The following CWC27 variants were observed in gnomAD, a reference collection of about 807,000 sequenced individuals.
CWC27 encodes spliceosome-associated protein CWC27 homolog.
CWC27 carries 47 observed loss-of-function variants against 63.6 expected under a neutral mutation model. That is an observed-to-expected ratio of 0.74 (90% CI 0.58 to 0.94). The LOEUF is 0.94. Ranked by LOEUF, CWC27 falls within the 40% of genes least tolerant of loss-of-function variation. The probability of loss-of-function intolerance (pLI) is 0.00; values close to 1 mark genes in which losing one functional copy is unlikely to be tolerated. For synonymous variants in CWC27, 175 were observed against 179.8 expected (o/e 0.97, Z 0.22); for missense variants, 495 against 554.3 (o/e 0.89, Z 1.07).
intron 11 of CWC27, among the ~76,000 whole-genome samples, chr5:64,944,816 A>G (rs1194317561): frequency 1.3e-5 from 2 of 152,166 alleles, no homozygotes; most frequent in African/African-American, 2.4e-5. Flanking sequence ...TCTATTCTCA[A>G]CATAGTATCC....
At chr5:64,785,828 G>T (rs1743863574) in intron 5 of CWC27, among the ~76,000 whole-genome samples, 1 of 151,942 alleles carries the variant, frequency 6.6e-6, no homozygotes, top group African/African-American at 2.4e-5. Flanking sequence ...AAAGTTAAAG[G>T]AATTAGGTTT....
chr5:64,980,297 T>G (rs556160448), intron 13 of CWC27, among the ~76,000 whole-genome samples: 3 of 152,260 alleles, frequency 2.0e-5, no homozygotes, highest in Admixed American at 1.3e-4. Context: ...TCTTTGAGCA[T>G]GGATTTTATG....
At position 64,989,544 on chromosome 5, in the gene CWC27, A is replaced by C. The variant is rs1580767583; in HGVS notation, c.1256+12306A>C. 3.9e-5 allele frequency among the ~76,000 whole-genome samples: 6 copies of C among 152,208 alleles called. No individual in the cohort carries two copies. In the South Asian group the frequency reaches 1.2e-3, roughly 32 times the overall value. On this transcript the variant is annotated intron_variant, in intron 13 of 13. Transcript: ENST00000381070. ...TGGTTCACCAGAGAGAAGTTGAAAA[A>C]CAGTACCTTAGGAACATCCTCAAAT... is the stretch of plus-strand genomic sequence containing the variant.
At chr5:64,879,534 C>G (rs947791985) in intron 10 of CWC27, among the ~76,000 whole-genome samples, 4 of 151,766 alleles carry the variant, frequency 2.6e-5, no homozygotes, top group African/African-American at 9.7e-5. Flanking sequence ...GGATAAGATC[C>G]TAAGTGTCCT....
intron 3 of CWC27, among the ~76,000 whole-genome samples, 196 bp downstream of exon 3, chr5:64,782,229 C>G (rs1743722588): frequency 2.0e-5 from 3 of 152,000 alleles, no homozygotes; most frequent in South Asian, 2.1e-4. Flanking sequence ...GGGCGGATCA[C>G]TTGAGGTCGG....
At chr5:64,952,599 A>G (rs978289436) in intron 11 of CWC27, among the ~76,000 whole-genome samples, 4 of 152,018 alleles carry the variant, frequency 2.6e-5, no homozygotes, top group Non-Finnish European at 4.4e-5. Context: ...TCATCCCGTC[A>G]TTTTTATCCT....
intron 10 of CWC27, among the ~76,000 whole-genome samples, chr5:64,840,656 C>A (rs1338980667): frequency 6.6e-6 from 1 of 151,730 alleles, no homozygotes; most frequent in East Asian, 1.9e-4. Flanking sequence ...GTAGTCAAAT[C>A]ATAAAAGAAC....
chr5:65,012,246 G>A (rs983079923), intron 13 of CWC27, among the ~76,000 whole-genome samples: 1 of 152,148 alleles, frequency 6.6e-6, no homozygotes, highest in African/African-American at 2.4e-5. Flanking sequence ...TGTTACCTCT[G>A]AAGACATAGA....
At chr5:64,828,023 G>A (rs1462391504) in intron 10 of CWC27, among the ~76,000 whole-genome samples, 1 of 152,084 alleles carries the variant, frequency 6.6e-6, no homozygotes, top group Non-Finnish European at 1.5e-5. Flanking sequence ...TATATATGGG[G>A]TTTTATACTA....
intron 11 of CWC27, among the ~76,000 whole-genome samples, chr5:64,913,776 A>G (rs1239798457): frequency 6.6e-6 from 1 of 152,048 alleles, no homozygotes; most frequent in African/African-American, 2.4e-5. Context: ...TTTCCCCTAA[A>G]CTGTTCTATA....
intron 11 of CWC27, among the ~76,000 whole-genome samples, chr5:64,953,771 G>A (rs1252669736): frequency 6.6e-6 from 1 of 152,110 alleles, no homozygotes; most frequent in African/African-American, 2.4e-5. Flanking sequence ...TTGCCTTGAT[G>A]AGCATTATAT....
At chr5:64,807,130 T>C (rs1178061357) in intron 10 of CWC27, among the ~76,000 whole-genome samples, 2 of 152,228 alleles carry the variant, frequency 1.3e-5, no homozygotes, top group African/African-American at 2.4e-5. Context: ...CTTGAAGTAC[T>C]CTATTATCCT....
intron 11 of CWC27, among the ~76,000 whole-genome samples, chr5:64,970,059 C>A (rs2112440742): frequency 6.6e-6 from 1 of 152,248 alleles, no homozygotes; most frequent in African/African-American, 2.4e-5. Context: ...AGAGACGTAA[C>A]TGGAAAGCAA....
intron 10 of CWC27, among the ~76,000 whole-genome samples, chr5:64,875,127 A>G (rs969298930): frequency 5.9e-5 from 9 of 152,074 alleles, no homozygotes; most frequent in Admixed American, 1.3e-4. Context: ...TTTAAGATAC[A>G]CTGTTTAGTG....
chr5:64,938,530 C>A (rs1399494923), intron 11 of CWC27, among the ~76,000 whole-genome samples: 4 of 152,104 alleles, frequency 2.6e-5, no homozygotes, highest in African/African-American at 9.7e-5. Flanking sequence ...CCCTGGCTGC[C>A]CTTAACATTT....
chr5:64,775,218 T>C (rs1345153862), intron 2 of CWC27, among the ~76,000 whole-genome samples: 1 of 152,202 alleles, frequency 6.6e-6, no homozygotes, highest in African/African-American at 2.4e-5. Flanking sequence ...CTAGTGGACT[T>C]TTCAACTGGA....
intron 10 of CWC27, among the ~76,000 whole-genome samples, chr5:64,850,618 A>G (rs1240704899): frequency 6.6e-6 from 1 of 152,214 alleles, no homozygotes; most frequent in East Asian, 1.9e-4. Context: ...AACAGTGTGC[A>G]GAGTCAAACT....
intron 11 of CWC27, among the ~76,000 whole-genome samples, chr5:64,911,582 C>T (rs549157854): frequency 4.9e-4 from 75 of 152,258 alleles, no homozygotes; most frequent in African/African-American, 1.8e-3. Context: ...TTGGGGCAAC[C>T]CTTTCCCTGG....
intron 10 of CWC27, among the ~76,000 whole-genome samples, chr5:64,822,334 A>G (rs1745226197): frequency 6.6e-6 from 1 of 152,242 alleles, no homozygotes; most frequent in African/African-American, 2.4e-5. Context: ...AGCTGTGTGT[A>G]TACAAAGAAA....
Sources: gnomAD v4.1 joint callset for allele counts (sites outside exome capture counted in the v4.1 genomes callset) on GRCh38, gnomAD v4.1.1 for gene constraint, MANE v1.5 for transcripts, NCBI Gene and HGNC (gene_info 2026-07-23, HGNC 2026-07-21) for gene names.